Variants in IGSF21 observed in about 807,000 individuals in gnomAD.
IGSF21 encodes the protein immunoglobulin superfamily member 21.
In IGSF21, 28 loss-of-function variants were observed where a neutral mutation model predicts 46.8. The observed-to-expected ratio is 0.60, with a 90% CI of 0.44 to 0.82. The LOEUF (loss-of-function observed/expected upper bound fraction) is 0.82. IGSF21 is among the 40% of genes least tolerant of loss of function. IGSF21 has a pLI of 0.00. For missense variants in IGSF21, 624 were observed against 665.5 expected, an observed-to-expected ratio of 0.94 and a Z score of 0.69; for synonymous variants, 284 against 273.6, an observed-to-expected ratio of 1.04 and a Z score of -0.38.
intron 3 of IGSF21, among the ~76,000 whole-genome samples, chr1:18,311,079 CT>C (rs2085483801): frequency 6.6e-6 from 1 of 152,192 alleles, no homozygotes; most frequent in African/African-American, 2.4e-5. Flanking sequence ...TTCAACAGAT[CT>C]TTTGGGAGTG....
intron 1 of IGSF21, among the ~76,000 whole-genome samples, chr1:18,120,378 G>A (rs542313982): frequency 6.6e-6 from 1 of 152,302 alleles, no homozygotes; most frequent in South Asian, 2.1e-4. Flanking sequence ...CCCTCTTCCT[G>A]CCTTTGGGTC....
chr1:18,143,684 C>T (rs1340807225), intron 1 of IGSF21, among the ~76,000 whole-genome samples: 1 of 152,134 alleles, frequency 6.6e-6, no homozygotes, highest in Admixed American at 6.5e-5. Flanking sequence ...GCTGTCTGTG[C>T]GACCCCTGGA....
chr1:18,263,635 A>G (rs2124539075), intron 2 of IGSF21, among the ~76,000 whole-genome samples: 1 of 152,278 alleles, frequency 6.6e-6, no homozygotes, highest in Non-Finnish European at 1.5e-5. Flanking sequence ...AGGTTTAGGG[A>G]GAACCCAGAG....
intron 1 of IGSF21, among the ~76,000 whole-genome samples, chr1:18,188,981 G>T (rs2086929979): frequency 6.6e-6 from 1 of 152,182 alleles, no homozygotes; most frequent in Admixed American, 6.5e-5. Flanking sequence ...GGATCCTTGT[G>T]AGAGTCAGAG....
chr1:18,122,300 C>T (rs1286381489), intron 1 of IGSF21, among the ~76,000 whole-genome samples: 3 of 144,160 alleles, frequency 2.1e-5, no homozygotes, highest in African/African-American at 7.6e-5. Context: ...CCAGGGTTCT[C>T]ATGCCTCAGC....
chr1:18,262,238 C>T (rs771071618), intron 2 of IGSF21, among the ~76,000 whole-genome samples: 4 of 152,174 alleles, frequency 2.6e-5, no homozygotes, highest in Non-Finnish European at 4.4e-5. Context: ...CCACCCACTC[C>T]GCATCTGTCC....
At chr1:18,254,628 A>T (rs2084873414) in intron 2 of IGSF21, among the ~76,000 whole-genome samples, 1 of 152,170 alleles carries the variant, frequency 6.6e-6, no homozygotes, top group African/African-American at 2.4e-5. Context: ...CCAAAGGGGT[A>T]TCTCTCTGTC....
At chr1:18,249,911 A>G (rs1277289883) in intron 2 of IGSF21, among the ~76,000 whole-genome samples, 6 of 152,130 alleles carry the variant, frequency 3.9e-5, no homozygotes, top group Non-Finnish European at 8.8e-5. Context: ...AGGCATTGGC[A>G]GGATCTGACT....
chr1:18,141,032 C>A (rs977254011), intron 1 of IGSF21, among the ~76,000 whole-genome samples: 3 of 152,186 alleles, frequency 2.0e-5, no homozygotes, highest in Admixed American at 6.5e-5. Context: ...GAGGAGAGCA[C>A]GACCAGAGTG....
intron 2 of IGSF21, among the ~76,000 whole-genome samples, chr1:18,251,698 G>T (rs1462337013): frequency 1.3e-5 from 2 of 152,158 alleles, no homozygotes; most frequent in Non-Finnish European, 2.9e-5. Context: ...AAGATTTGGG[G>T]ATCATACAGC....
intron 4 of IGSF21, among the ~76,000 whole-genome samples, chr1:18,352,363 A>G (rs892913862): frequency 6.6e-6 from 1 of 152,198 alleles, no homozygotes; most frequent in African/African-American, 2.4e-5. Context: ...AACTTGGATT[A>G]GAATCTCAGG....
Position 18,228,027 on chromosome 1 carries a change from G to GC in IGSF21, c.183+22dup. On this transcript the variant is annotated intron_variant, in intron 2 of 9. Transcript: ENST00000251296. ...TGGTACCGGGTAAGTCACTACTACT[G>GC]CCCCCTTCATGCCCATGGCCAGGAC... 1.3e-6 allele frequency: 2 copies of GC among 1,582,798 alleles called. No individual in the cohort carries two copies.
chr1:18,326,989 G>A (rs1383108058), intron 3 of IGSF21, among the ~76,000 whole-genome samples: 5 of 152,306 alleles, frequency 3.3e-5, no homozygotes, highest in Admixed American at 2.6e-4. Flanking sequence ...AAACATCGAT[G>A]AGCCTCCTGT....
At chr1:18,228,092 G>A (rs2084587608) in intron 2 of IGSF21, 82 bp downstream of exon 2, 2 of 1,082,864 alleles carry the variant, frequency 1.8e-6, no homozygotes, top group South Asian at 1.3e-5. Flanking sequence ...ACCCTCACTG[G>A]TGTGGCTATG....
chr1:18,361,543 T>A (rs2086101019), intron 4 of IGSF21: 1 of 152,830 alleles, frequency 6.5e-6, no homozygotes, highest in African/African-American at 2.4e-5. Flanking sequence ...GGGCACCGCA[T>A]TCCCCCTGGC....
intron 1 of IGSF21, among the ~76,000 whole-genome samples, chr1:18,181,678 A>G (rs2086859313): frequency 6.6e-6 from 1 of 152,122 alleles, no homozygotes. Flanking sequence ...GGATTTGCAG[A>G]AGATGGGAAC....
intron 1 of IGSF21, among the ~76,000 whole-genome samples, chr1:18,144,955 G>A (rs1309464244): frequency 6.6e-6 from 1 of 152,016 alleles, no homozygotes; most frequent in African/African-American, 2.4e-5. Flanking sequence ...GTGAGTCCCG[G>A]GTGCCTCAAA....
At chr1:18,160,377 A>T (rs12738170) in intron 1 of IGSF21, among the ~76,000 whole-genome samples, 15 of 152,326 alleles carry the variant, frequency 9.8e-5, no homozygotes, top group Non-Finnish European at 1.9e-4. Context: ...CGCTCACAGC[A>T]TTATGCCCTC....
intron 1 of IGSF21, chr1:18,110,425 G>C (rs1407290441): frequency 1.3e-5 from 2 of 152,364 alleles, no homozygotes; most frequent in East Asian, 3.9e-4. Flanking sequence ...GGAGGTGGCC[G>C]AGAGAGGTGC....
Sources: gnomAD v4.1 joint callset for allele counts (sites outside exome capture counted in the v4.1 genomes callset) on GRCh38, gnomAD v4.1.1 for gene constraint, MANE v1.5 for transcripts, NCBI Gene and HGNC (gene_info 2026-07-23, HGNC 2026-07-21) for gene names.